Variants in QTGAL observed in about 807,000 individuals in gnomAD.
QTGAL encodes queuosine-tRNA galactosyltransferase.
At chr17:83,038,682 C>T in the QTGAL span, among the ~76,000 whole-genome samples, 1 of 152,090 alleles carries the variant, frequency 6.6e-6, no homozygotes, top group Non-Finnish European at 1.5e-5. Flanking sequence ...CACGGTGAAA[C>T]CCCATCTCTA....
At chr17:83,026,930 G>T in the QTGAL span, among the ~76,000 whole-genome samples, 851 of 31,292 alleles carry the variant, frequency 0.027, no homozygotes, top group African/African-American at 0.081. Context: ...GGAGCCTGCA[G>T]ACAAACCCAC....
the QTGAL span, among the ~76,000 whole-genome samples, chr17:83,027,757 T>C: frequency 1.5e-5 from 2 of 130,610 alleles, no homozygotes; most frequent in African/African-American, 2.8e-5. Context: ...ATATCCACAA[T>C]CTATATACCT....
chr17:83,032,553 G>GAGCTGAACAAC, the QTGAL span, among the ~76,000 whole-genome samples: 3 of 151,684 alleles, frequency 2.0e-5, no homozygotes, highest in East Asian at 1.9e-4. Flanking sequence ...CTGAGCTCAG[G>GAGCTGAACAAC]GGCCCAGCAC....
chr17:82,951,641 C>T, the QTGAL span, among the ~76,000 whole-genome samples: 1 of 152,156 alleles, frequency 6.6e-6, no homozygotes, highest in Non-Finnish European at 1.5e-5. Flanking sequence ...TCGTGGCTTT[C>T]GACATGCCTT....
the QTGAL span, among the ~76,000 whole-genome samples, chr17:83,009,548 G>C: frequency 2.0e-5 from 3 of 152,222 alleles, no homozygotes; most frequent in Admixed American, 2.0e-4. Flanking sequence ...CTCTAAAGAC[G>C]GTGGCAAGAA....
chr17:83,004,626 C>T, the QTGAL span, among the ~76,000 whole-genome samples: 8 of 142,340 alleles, frequency 5.6e-5, no homozygotes, highest in Non-Finnish European at 1.1e-4. Context: ...CTCGCCCTCC[C>T]ACCCTCCGCA....
the QTGAL span, among the ~76,000 whole-genome samples, chr17:82,973,882 A>G: frequency 0.36 from 54,035 of 151,458 alleles, 10,016 homozygotes; most frequent in South Asian, 0.47. Context: ...TTAGGATTCA[A>G]CTCCTCTCCC....
chr17:82,950,542 A>T, the QTGAL span, among the ~76,000 whole-genome samples: 13,363 of 152,174 alleles, frequency 0.088, 823 homozygotes, highest in East Asian at 0.32. Flanking sequence ...TACTCACCTA[A>T]ATGTCCCCGG....
the QTGAL span, among the ~76,000 whole-genome samples, chr17:83,029,981 C>T: frequency 6.6e-6 from 1 of 152,140 alleles, no homozygotes; most frequent in Non-Finnish European, 1.5e-5. Flanking sequence ...ATTCCTTTAC[C>T]ACCTGCACCA....
At chr17:83,042,260 G>A in the QTGAL span, among the ~76,000 whole-genome samples, 1 of 152,130 alleles carries the variant, frequency 6.6e-6, no homozygotes, top group Non-Finnish European at 1.5e-5. Context: ...CCAGCTACCT[G>A]GGAGGCTGAG....
At chr17:83,021,777 T>C in the QTGAL span, among the ~76,000 whole-genome samples, 1 of 152,230 alleles carries the variant, frequency 6.6e-6, no homozygotes, top group Admixed American at 6.5e-5. Flanking sequence ...AAAGCTACAC[T>C]GTAGCTTTAT....
chr17:83,019,733 C>G, the QTGAL span, among the ~76,000 whole-genome samples: 1 of 152,260 alleles, frequency 6.6e-6, no homozygotes, highest in African/African-American at 2.4e-5. Flanking sequence ...AACAATAGAA[C>G]TTTCTCTCTT....
At chr17:83,033,927 A>G in the QTGAL span, among the ~76,000 whole-genome samples, 7 of 151,176 alleles carry the variant, frequency 4.6e-5, no homozygotes, top group Non-Finnish European at 8.9e-5. Context: ...CTACTTATCT[A>G]TTTTTCTTAG....
chr17:83,044,175 T>G, the QTGAL span, among the ~76,000 whole-genome samples: 1 of 152,168 alleles, frequency 6.6e-6, no homozygotes, highest in Admixed American at 6.5e-5. Context: ...CACAAAGATA[T>G]CATATGAATA....
the QTGAL span, chr17:82,942,663 C>A: frequency 1.6e-6 from 1 of 639,530 alleles, no homozygotes; most frequent in African/African-American, 1.8e-5. Context: ...TCTGCCTTCA[C>A]TTGAACACAA....
the QTGAL span, chr17:82,961,460 A>C: frequency 4.5e-6 from 2 of 448,422 alleles, no homozygotes; most frequent in Middle Eastern, 6.6e-4. Context: ...GTCTCAGGGC[A>C]AAGAGGAAGA....
the QTGAL span, chr17:83,014,339 T>G: frequency 8.6e-7 from 1 of 1,166,378 alleles, no homozygotes. Flanking sequence ...TCTCCGTGAC[T>G]TGACAGTCTC....
At chr17:83,008,258 AG>A in the QTGAL span, among the ~76,000 whole-genome samples, 4 of 152,374 alleles carry the variant, frequency 2.6e-5, no homozygotes, top group Non-Finnish European at 5.9e-5. Context: ...GGTTCCTAGA[AG>A]AAGCCACTTT....
At chr17:82,977,022 C>T in the QTGAL span, among the ~76,000 whole-genome samples, 1 of 152,256 alleles carries the variant, frequency 6.6e-6, no homozygotes, top group Non-Finnish European at 1.5e-5. Context: ...CCCAGGTGGC[C>T]CCAGGCAGGG....
Sources: allele counts gnomAD v4.1 joint callset (sites outside exome capture counted in the v4.1 genomes callset), GRCh38; gene constraint gnomAD v4.1.1; transcripts MANE v1.5; gene names NCBI Gene and HGNC (gene_info 2026-07-23, HGNC 2026-07-21).